Variants in SOX5 observed in about 807,000 individuals in gnomAD.
SOX5 encodes the protein transcription factor SOX-5.
A neutral mutation model predicts 92.0 loss-of-function variants in SOX5; 9 were observed. That is an observed-to-expected ratio of 0.10 (90% CI 0.06 to 0.17). SOX5 has a LOEUF of 0.17. Among genes scored for constraint, SOX5 ranks in the 10% least tolerant of loss-of-function variants. SOX5 has a pLI of 1.00. For missense variants in SOX5, 642 were observed against 944.5 expected (o/e 0.68, Z 4.20); for synonymous variants, 344 against 336.3 (o/e 1.02, Z -0.25).
intron 3 of SOX5, among the ~76,000 whole-genome samples, chr12:23,812,474 T>C (rs2095893407): frequency 6.6e-6 from 1 of 152,152 alleles, no homozygotes; most frequent in South Asian, 2.1e-4. Flanking sequence ...TGGGGATTTT[T>C]TTTTTTCCGG....
At chr12:23,994,469 A>G (rs2136294537) in intron 4 of SOX5, among the ~76,000 whole-genome samples, 1 of 152,348 alleles carries the variant, frequency 6.6e-6, no homozygotes, top group Non-Finnish European at 1.5e-5. Context: ...ACAGATATCT[A>G]CATCAATATA....
At chr12:24,034,563 C>T (rs949713309) in intron 4 of SOX5, among the ~76,000 whole-genome samples, 2 of 125,748 alleles carry the variant, frequency 1.6e-5, no homozygotes, top group Non-Finnish European at 3.5e-5. Flanking sequence ...CACCAATGCT[C>T]GGGAGGATTT....
chr12:24,168,921 C>A (rs1046744201), intron 4 of SOX5, among the ~76,000 whole-genome samples: 2 of 151,988 alleles, frequency 1.3e-5, no homozygotes, highest in Non-Finnish European at 2.9e-5. Context: ...AGTATGCTAT[C>A]CCTATCACAA....
chr12:24,391,499 C>T (rs896617847), intron 1 of SOX5, among the ~76,000 whole-genome samples: 9 of 152,146 alleles, frequency 5.9e-5, no homozygotes, highest in African/African-American at 1.7e-4. Context: ...TGAATAAAAA[C>T]GGTGGCACCT....
Position 23,853,137 on chromosome 12 carries a change from T to C in SOX5, c.271-6944A>G, listed in dbSNP as rs139550797. 4.7e-4 allele frequency among the ~76,000 whole-genome samples: 70 copies of C among 150,070 alleles called. No individual in the cohort carries two copies. In the East Asian group the frequency reaches 0.012, roughly 25 times the overall value. On this transcript the variant is annotated intron_variant, in intron 2 of 14. Coordinates refer to ENST00000451604, the MANE Select transcript of SOX5 (RefSeq NM_006940.6). ...ATATATATATATACATATATATATATATACACACACATATTGTAAAAGAAT... is the reference window on the plus strand; with the variant it reads ...ATATATATATATACATATATATATACATACACACACATATTGTAAAAGAAT...
At position 24,454,919 on chromosome 12, in the gene SOX5, C is replaced by T. The variant is rs149634850; in HGVS notation, c.-250-86280G>A. On this transcript the variant is annotated intron_variant, in intron 1 of 4. Coordinates refer to the SOX5 transcript ENST00000446891. ...TAAAATCTGACACAAATAGAAATCACTTTCACTCTCTCTTCTTAGAAAAAA... is the reference window on the plus strand; with the variant it reads ...TAAAATCTGACACAAATAGAAATCATTTTCACTCTCTCTTCTTAGAAAAAA... Among the ~76,000 whole-genome samples the T allele has an allele frequency of 2.3e-3, 350 of 152,204 alleles. 2 individuals carry two copies. The highest frequency in any genetic ancestry group is 7.9e-3 in the African/African-American group (330 of 41,518).
intron 4 of SOX5, among the ~76,000 whole-genome samples, chr12:24,019,465 G>A (rs761680079): frequency 9.2e-5 from 14 of 152,182 alleles, no homozygotes; most frequent in Non-Finnish European, 1.9e-4. Flanking sequence ...AGGAACCATA[G>A]GGATCCACTG....
At chr12:23,685,657 C>G (rs1263558437) in intron 6 of SOX5, among the ~76,000 whole-genome samples, 1 of 149,352 alleles carries the variant, frequency 6.7e-6, no homozygotes, top group Non-Finnish European at 1.5e-5. Flanking sequence ...AATACAGAAC[C>G]CTAATTATGA....
chr12:23,978,399 G>T (rs535838686), intron 4 of SOX5, among the ~76,000 whole-genome samples: 1 of 152,126 alleles, frequency 6.6e-6, no homozygotes, highest in East Asian at 1.9e-4. Flanking sequence ...AAAACTTTGG[G>T]GTTAATAATA....
intron 11 of SOX5, among the ~76,000 whole-genome samples, chr12:23,558,803 G>A (rs923867506): frequency 3.9e-5 from 6 of 152,018 alleles, no homozygotes; most frequent in Non-Finnish European, 7.4e-5. Context: ...GGGTTTCTCC[G>A]TATTGGTCAG....
chr12:24,020,354 G>A (rs1003668036), intron 4 of SOX5, among the ~76,000 whole-genome samples: 1 of 152,084 alleles, frequency 6.6e-6, no homozygotes, highest in Non-Finnish European at 1.5e-5. Flanking sequence ...CTATTCCAAA[G>A]TCAAGACAAG....
chr12:24,457,950 T>C (rs1333082271), intron 1 of SOX5, among the ~76,000 whole-genome samples: 3 of 152,192 alleles, frequency 2.0e-5, no homozygotes, highest in Non-Finnish European at 2.9e-5. Context: ...TTTCCATTTT[T>C]ATTCTATAAG....
At chr12:24,017,741 TTCAC>T (rs1303697471) in intron 4 of SOX5, among the ~76,000 whole-genome samples, 1 of 152,070 alleles carries the variant, frequency 6.6e-6, no homozygotes, top group Non-Finnish European at 1.5e-5. Flanking sequence ...CAGTTGTCCT[TTCAC>T]TCATTTTCAT....
intron 1 of SOX5, among the ~76,000 whole-genome samples, chr12:23,942,516 G>A (rs1409876719): frequency 6.6e-6 from 1 of 151,764 alleles, no homozygotes; most frequent in Admixed American, 6.6e-5. Flanking sequence ...GGCAACACAG[G>A]TTAACTCTTT....
intron 4 of SOX5, among the ~76,000 whole-genome samples, chr12:24,056,064 A>C (rs758869497): frequency 5.5e-4 from 84 of 152,214 alleles, no homozygotes; most frequent in Non-Finnish European, 9.1e-4. Context: ...TCGTTGTGCC[A>C]TGACCTCCTT....
chr12:24,242,520 C>T (rs1565733164), intron 3 of SOX5, among the ~76,000 whole-genome samples: 1 of 152,130 alleles, frequency 6.6e-6, no homozygotes, highest in South Asian at 2.1e-4. Context: ...TCATTTTCAA[C>T]TTTCTAAATC....
At chr12:23,940,292 T>C (rs1173521387) in intron 1 of SOX5, among the ~76,000 whole-genome samples, 1 of 151,184 alleles carries the variant, frequency 6.6e-6, no homozygotes. Flanking sequence ...TAATCCTAAA[T>C]AAGAATTATA....
At chr12:24,332,041 T>G (rs1425181521) in intron 2 of SOX5, among the ~76,000 whole-genome samples, 1 of 151,872 alleles carries the variant, frequency 6.6e-6, no homozygotes, top group Non-Finnish European at 1.5e-5. Context: ...AACCTGTCAG[T>G]TCATCTCAAA....
chr12:24,345,211 A>C (rs1038380050), intron 2 of SOX5, among the ~76,000 whole-genome samples: 3 of 152,230 alleles, frequency 2.0e-5, no homozygotes, highest in African/African-American at 7.2e-5. Flanking sequence ...TAATGTATAC[A>C]TTTTATTTTA....
Sources: gnomAD v4.1 joint callset for allele counts (sites outside exome capture counted in the v4.1 genomes callset) on GRCh38, gnomAD v4.1.1 for gene constraint, MANE v1.5 for transcripts, NCBI Gene and HGNC (gene_info 2026-07-23, HGNC 2026-07-21) for gene names.